The following COL22A1 variants were observed in gnomAD, a reference collection of about 807,000 sequenced individuals.
COL22A1 encodes the protein collagen alpha-1(XXII) chain.
COL22A1 carries 221 observed loss-of-function variants against 248.9 expected under a neutral mutation model. The ratio of observed to expected loss-of-function variants is 0.89; its 90% CI spans 0.80 to 0.99. COL22A1 has a LOEUF of 0.99. Among genes scored for constraint, COL22A1 ranks in the 50% least tolerant of loss-of-function variants. COL22A1 has a pLI of 0.00. For missense variants in COL22A1, 2,240 were observed against 2,179.0 expected (o/e 1.03, Z -0.56); for synonymous variants, 891 against 793.4 (o/e 1.12, Z -2.07).
chr8:138,812,346 G>T (rs1468468323), intron 8 of COL22A1, among the ~76,000 whole-genome samples: 1 of 152,218 alleles, frequency 6.6e-6, no homozygotes, highest in South Asian at 2.1e-4. Flanking sequence ...TCCTGGGGAT[G>T]AGGCTAACCA....
intron 1 of COL22A1, among the ~76,000 whole-genome samples, chr8:138,904,348 A>T (rs1322517013): frequency 6.6e-6 from 1 of 151,006 alleles, no homozygotes; most frequent in Admixed American, 6.6e-5. Context: ...CCACACACAC[A>T]CCCTTACCAC....
chr8:138,714,466 G>T (rs1361532010), intron 30 of COL22A1, among the ~76,000 whole-genome samples: 1 of 152,102 alleles, frequency 6.6e-6, no homozygotes, highest in East Asian at 1.9e-4. Context: ...AAGGAGAACT[G>T]GTTTTGTCTG....
rs1817309000 is a variant in COL22A1 at position 138,594,058 on chromosome 8, T to G, written c.4574A>C (p.Gln1525Pro). Residue 1525 changes from glutamine (Q) to proline (P), a missense_variant, in exon 63 of 65, where the codon CAG (glutamine) becomes CCG (proline). Physicochemically the swap from Gln to Pro is moderately conservative, Grantham distance 76 (BLOSUM62 -1). Transcript: ENST00000303045. ...TCCAGAGGGTCCTTCCAGACCCCCC[T>G]GCCCAGGACGACCTGGCTCCCCCAT... ...GPMGEPGRPG[Q>P]GGLEGPSGPI... The G allele has an allele frequency of 1.3e-6, 2 of 1,590,828 alleles. No individual in the cohort carries two copies. Among genetic ancestry groups the G allele is most frequent in the Non-Finnish European group, 1.7e-6 (2 of 1,172,556 alleles).
chr8:138,885,053 G>C (rs1033295659), intron 1 of COL22A1, among the ~76,000 whole-genome samples: 19 of 152,282 alleles, frequency 1.2e-4, no homozygotes, highest in African/African-American at 4.6e-4. Flanking sequence ...CACAGGGGAA[G>C]CGAGCTGAAT....
At chr8:138,618,084 G>C (rs1223326065) in intron 53 of COL22A1, among the ~76,000 whole-genome samples, 1 of 152,180 alleles carries the variant, frequency 6.6e-6, no homozygotes, top group Non-Finnish European at 1.5e-5. Context: ...GAGAGTGCCT[G>C]TCAGGCACTC....
chr8:138,793,483 C>A (rs1816243059), intron 12 of COL22A1, among the ~76,000 whole-genome samples: 1 of 152,292 alleles, frequency 6.6e-6, no homozygotes, highest in South Asian at 2.1e-4. Context: ...AGCAGAGTCC[C>A]AGAGAGGGAA....
intron 3 of COL22A1, among the ~76,000 whole-genome samples, chr8:138,853,982 C>G (rs903106677): frequency 6.6e-6 from 1 of 152,174 alleles, no homozygotes; most frequent in Admixed American, 6.5e-5. Flanking sequence ...GTAGAATGAT[C>G]CATCTGTTGA....
intron 3 of COL22A1, among the ~76,000 whole-genome samples, chr8:138,865,859 GTGTA>G (rs1464987847): frequency 2.6e-5 from 4 of 151,744 alleles, no homozygotes; most frequent in South Asian, 2.1e-4. Flanking sequence ...GTGTACGTGT[GTGTA>G]TGTTTGTATG....
chr8:138,912,413 A>T (rs564531407), intron 1 of COL22A1, among the ~76,000 whole-genome samples: 1 of 152,316 alleles, frequency 6.6e-6, no homozygotes, highest in Non-Finnish European at 1.5e-5. Flanking sequence ...TGAGAGACAG[A>T]TTAGGAGTGA....
At chr8:138,640,433 C>T (rs1488911551) in intron 47 of COL22A1, among the ~76,000 whole-genome samples, 5 of 152,036 alleles carry the variant, frequency 3.3e-5, no homozygotes, top group Admixed American at 2.6e-4. Context: ...CAGAACAAAC[C>T]CTTCTCCTAA....
At chr8:138,859,346 T>C (rs561349224) in intron 3 of COL22A1, among the ~76,000 whole-genome samples, 1 of 152,258 alleles carries the variant, frequency 6.6e-6, no homozygotes, top group South Asian at 2.1e-4. Flanking sequence ...CTGAACACCA[T>C]GTCGGGGCAG....
chr8:138,700,666 A>G (rs1276757583), intron 31 of COL22A1, among the ~76,000 whole-genome samples: 1 of 152,168 alleles, frequency 6.6e-6, no homozygotes, highest in Non-Finnish European at 1.5e-5. Flanking sequence ...AGGCTCCTTC[A>G]GCCTGGCCAC....
chr8:138,865,650 TGTGA>T (rs201580109), intron 3 of COL22A1, among the ~76,000 whole-genome samples: 2,526 of 151,596 alleles, frequency 0.017, 29 homozygotes, highest in Non-Finnish European at 0.026. Context: ...TATGCTGGTG[TGTGA>T]GTGTGTGTAT....
At chr8:138,716,357 G>T in intron 28 of COL22A1, 68 bp from the exon 29 acceptor site, 1 of 1,082,652 alleles carries the variant, frequency 9.2e-7, no homozygotes. Flanking sequence ...TGCAGGCCAT[G>T]TGCTCTCAGT....
intron 1 of COL22A1, among the ~76,000 whole-genome samples, chr8:138,894,116 C>A (rs1421237128): frequency 2.0e-5 from 3 of 152,130 alleles, no homozygotes; most frequent in Admixed American, 6.5e-5. Context: ...GGTAGGAATT[C>A]ATGGGGAGGA....
chr8:138,768,125 CCGA>C (rs1834053787), intron 16 of COL22A1, among the ~76,000 whole-genome samples: 1 of 152,180 alleles, frequency 6.6e-6, no homozygotes, highest in Non-Finnish European at 1.5e-5. Flanking sequence ...TGCCCTCGAT[CCGA>C]TCCATTGCCT....
At chr8:138,598,635 G>T (rs769613454) in intron 61 of COL22A1, 84 bp downstream of exon 61, 1 of 1,313,544 alleles carries the variant, frequency 7.6e-7, no homozygotes, top group Non-Finnish European at 1.1e-6. Flanking sequence ...TCTGTAAACT[G>T]GTGCCTCTGA....
intron 64 of COL22A1, among the ~76,000 whole-genome samples, chr8:138,589,711 A>C (rs147412076): frequency 1.3e-5 from 2 of 152,328 alleles, no homozygotes; most frequent in Non-Finnish European, 2.9e-5. Context: ...AAACAAGGGT[A>C]GATTGAGACC....
At chr8:138,613,635 C>T (rs917752394) in intron 56 of COL22A1, among the ~76,000 whole-genome samples, 2 of 149,546 alleles carry the variant, frequency 1.3e-5, no homozygotes, top group Admixed American at 6.7e-5. Context: ...AGCAGTGCCC[C>T]GTGGCACCTT....
Sources: gnomAD v4.1 joint callset for allele counts (sites outside exome capture counted in the v4.1 genomes callset) on GRCh38, gnomAD v4.1.1 for gene constraint, MANE v1.5 for transcripts, NCBI Gene and HGNC (gene_info 2026-07-23, HGNC 2026-07-21) for gene names.